ARID5B: variants seen among roughly 807,000 people sequenced by gnomAD.
The protein encoded by ARID5B is AT-rich interaction domain 5B.
A neutral mutation model predicts 97.2 loss-of-function variants in ARID5B; 13 were observed. The observed-to-expected ratio is 0.13, with a 90% CI of 0.09 to 0.21. ARID5B has a LOEUF of 0.21. Ranked by LOEUF, ARID5B falls within the 10% of genes least tolerant of loss-of-function variation. The pLI, the probability that ARID5B is intolerant of heterozygous loss-of-function variation, is 1.00. For missense variants in ARID5B, 1,210 were observed against 1,465.3 expected (o/e 0.83, Z 2.84); for synonymous variants, 556 against 570.3 (o/e 0.97, Z 0.36).
At chr10:61,923,596 T>C (rs934684767) in intron 2 of ARID5B, among the ~76,000 whole-genome samples, 6 of 152,278 alleles carry the variant, frequency 3.9e-5, no homozygotes, top group African/African-American at 1.2e-4. Flanking sequence ...ACGTTTACTG[T>C]CCATCTCCCC....
At chr10:62,020,013 A>C (rs1839335527) in intron 4 of ARID5B, among the ~76,000 whole-genome samples, 2 of 152,152 alleles carry the variant, frequency 1.3e-5, no homozygotes, top group African/African-American at 4.8e-5. Flanking sequence ...AGCGAGTCTC[A>C]GCCCATAGAA....
At chr10:61,938,670 C>T (rs186006504) in intron 2 of ARID5B, among the ~76,000 whole-genome samples, 8 of 152,106 alleles carry the variant, frequency 5.3e-5, no homozygotes, top group Admixed American at 3.9e-4. Flanking sequence ...TTTTCTTGAG[C>T]GCACGATAGA....
chr10:62,072,816 G>C (rs1840081954), intron 8 of ARID5B, among the ~76,000 whole-genome samples: 1 of 152,192 alleles, frequency 6.6e-6, no homozygotes, highest in Non-Finnish European at 1.5e-5. Flanking sequence ...TATGTGTTGT[G>C]GTGGGGAGAA....
chr10:62,037,746 C>T (rs1226178594), intron 4 of ARID5B, among the ~76,000 whole-genome samples: 1 of 152,128 alleles, frequency 6.6e-6, no homozygotes, highest in Non-Finnish European at 1.5e-5. Context: ...TTTCAGCTTG[C>T]ACAATAGTAC....
intron 3 of ARID5B, among the ~76,000 whole-genome samples, chr10:61,958,513 G>A (rs907209608): frequency 2.6e-4 from 40 of 151,608 alleles, no homozygotes; most frequent in African/African-American, 9.2e-4. Context: ...GGTGTGAGCC[G>A]CCGCGCCCGG....
chr10:61,983,038 C>T (rs1838797982), intron 3 of ARID5B, among the ~76,000 whole-genome samples: 2 of 152,120 alleles, frequency 1.3e-5, no homozygotes, highest in South Asian at 2.1e-4. Context: ...CCTAGAACCT[C>T]ATATTGAGGC....
chr10:62,022,754 C>A (rs1329530007), intron 4 of ARID5B, among the ~76,000 whole-genome samples: 1 of 152,100 alleles, frequency 6.6e-6, no homozygotes, highest in African/African-American at 2.4e-5. Flanking sequence ...TTGAGATATT[C>A]CCTGGGTCTT....
At chr10:62,068,524 G>A (rs1840022110) in intron 7 of ARID5B, among the ~76,000 whole-genome samples, 1 of 151,520 alleles carries the variant, frequency 6.6e-6, no homozygotes, top group Non-Finnish European at 1.5e-5. Flanking sequence ...GCAAGTTGAG[G>A]TTTTTTAATT....
chr10:61,982,399 G>A (rs1308847254), intron 3 of ARID5B, among the ~76,000 whole-genome samples: 1 of 152,176 alleles, frequency 6.6e-6, no homozygotes, highest in East Asian at 1.9e-4. Context: ...CTCTGTTGAA[G>A]TGGAAACATA....
intron 4 of ARID5B, among the ~76,000 whole-genome samples, chr10:62,013,801 T>TATATATATATATATATATAC (rs1332553988): frequency 3.3e-5 from 5 of 149,556 alleles, no homozygotes; most frequent in African/African-American, 1.2e-4. Flanking sequence ...TGGGTATATA[T>TATATATATATATATATATAC]ATATATATAT....
At chr10:61,982,876 C>G (rs1449760139) in intron 3 of ARID5B, among the ~76,000 whole-genome samples, 2 of 152,162 alleles carry the variant, frequency 1.3e-5, no homozygotes, top group Non-Finnish European at 2.9e-5. Flanking sequence ...AAGAAATAAA[C>G]CCCCGCCAAG....
chr10:61,993,120 T>TACAC lies in ARID5B; in HGVS notation c.503-6944_503-6941dup, dbSNP rs35119824. On this transcript the variant is annotated intron_variant, in intron 3 of 9. Coordinates refer to ENST00000279873, the MANE Select transcript of ARID5B (RefSeq NM_032199.3). Reference sequence around the variant, plus strand: ...TAACAGCTTTGATGAGGAAGGGAGATACACACACACACACACACACACACA... The same window carrying TACAC: ...TAACAGCTTTGATGAGGAAGGGAGATACACACACACACACACACACACACACACA... 7.5e-3 allele frequency among the ~76,000 whole-genome samples: 1,118 copies of TACAC among 148,130 alleles called. 6 individuals carry two copies. Among genetic ancestry groups the TACAC allele is most frequent in the Middle Eastern group, 0.028 (8 of 288 alleles).
intron 4 of ARID5B, among the ~76,000 whole-genome samples, chr10:62,042,091 A>C (rs1839645341): frequency 6.6e-6 from 1 of 152,258 alleles, no homozygotes; most frequent in African/African-American, 2.4e-5. Context: ...TCCAGAGCAG[A>C]TCCTTAAACA....
intron 4 of ARID5B, among the ~76,000 whole-genome samples, chr10:62,005,929 C>T (rs984188314): frequency 6.6e-6 from 1 of 152,160 alleles, no homozygotes; most frequent in Admixed American, 6.5e-5. Flanking sequence ...TTGTTCCTGG[C>T]CCCTGTCCAC....
chr10:61,910,888 A>G (rs1425463899), intron 2 of ARID5B, among the ~76,000 whole-genome samples: 2 of 152,236 alleles, frequency 1.3e-5, no homozygotes, highest in Non-Finnish European at 1.5e-5. Context: ...ATAGACGCAC[A>G]GTGGCGTGTG....
At chr10:61,944,859 GAAAGA>G (rs1281132646) in intron 3 of ARID5B, among the ~76,000 whole-genome samples, 2 of 152,156 alleles carry the variant, frequency 1.3e-5, no homozygotes, top group Non-Finnish European at 2.9e-5. Flanking sequence ...TTTAGAAAAA[GAAAGA>G]AAAGATAGAG....
intron 3 of ARID5B, among the ~76,000 whole-genome samples, chr10:61,961,065 ATTAAACTC>A (rs1239059699): frequency 6.6e-6 from 1 of 152,260 alleles, no homozygotes; most frequent in Non-Finnish European, 1.5e-5. Context: ...TGGTAGCATT[ATTAAACTC>A]TTAAGCCTTA....
chr10:61,921,353 GA>G (rs1265377978), intron 2 of ARID5B, among the ~76,000 whole-genome samples: 1 of 152,224 alleles, frequency 6.6e-6, no homozygotes, highest in Non-Finnish European at 1.5e-5. Context: ...AAGCTCTGTA[GA>G]GGGAGGATCT....
chr10:61,920,499 A>AT lies in ARID5B; in HGVS notation c.276+18095dup, dbSNP rs897089494. Reference sequence around the variant, plus strand: ...AGGCGTGTGCCACCATGCCTGACTAATTTTTTTTTGTATTTTTAGTAGAGA... The same window carrying AT: ...AGGCGTGTGCCACCATGCCTGACTAATTTTTTTTTTGTATTTTTAGTAGAGA... On this transcript the variant is annotated intron_variant, in intron 2 of 9. Coordinates refer to ENST00000279873, the MANE Select transcript of ARID5B (RefSeq NM_032199.3). Among the ~76,000 whole-genome samples the AT allele has an allele frequency of 2.8e-3, 420 of 150,734 alleles. 2 individuals carry two copies. Among genetic ancestry groups the AT allele is most frequent in the African/African-American group, 9.6e-3 (396 of 41,150 alleles).
Sources: gnomAD v4.1 joint callset for allele counts (sites outside exome capture counted in the v4.1 genomes callset) on GRCh38, gnomAD v4.1.1 for gene constraint, MANE v1.5 for transcripts, NCBI Gene and HGNC (gene_info 2026-07-23, HGNC 2026-07-21) for gene names.